The following LMLN variants were observed in gnomAD, a reference collection of about 807,000 sequenced individuals.
LMLN encodes leishmanolysin like peptidase, also known as leishmanolysin-like peptidase.
In LMLN, 70 loss-of-function variants were observed where a neutral mutation model predicts 92.3. The observed-to-expected ratio is 0.76, with a 90% CI of 0.63 to 0.92. The LOEUF is 0.92. LMLN is among the 40% of genes least tolerant of loss of function. LMLN has a pLI of 0.00. For synonymous variants in LMLN, 308 were observed against 296.2 expected, an observed-to-expected ratio of 1.04 and a Z score of -0.41; for missense variants, 691 against 814.6, an observed-to-expected ratio of 0.85 and a Z score of 1.85.
At chr3:198,035,863 T>A in exon 15 of LMLN, 1 of 1,614,138 alleles carries the variant, frequency 6.2e-7, no homozygotes, top group Non-Finnish European at 8.5e-7. Context: ...TCTGAAAGTT[T>A]GGGTCCAAGA....
At chr3:198,010,296 G>A (rs1358938477) in intron 11 of LMLN, among the ~76,000 whole-genome samples, 1 of 152,042 alleles carries the variant, frequency 6.6e-6, no homozygotes, top group Non-Finnish European at 1.5e-5. Context: ...TGGGACTACA[G>A]GTGCACACCA....
chr3:198,043,164 G>T (rs753693524), exon 16 of LMLN: 4 of 152,194 alleles, frequency 2.6e-5, no homozygotes, highest in Non-Finnish European at 5.9e-5. Context: ...TACTGACTGA[G>T]GCCATCTGTG....
intron 11 of LMLN, among the ~76,000 whole-genome samples, chr3:198,008,743 A>G (rs1223712190): frequency 6.6e-6 from 1 of 152,222 alleles, no homozygotes; most frequent in African/African-American, 2.4e-5. Context: ...AATACTCTGA[A>G]GAATAAATCC....
At chr3:198,020,478 T>C (rs1403114190) in intron 12 of LMLN, among the ~76,000 whole-genome samples, 1 of 152,234 alleles carries the variant, frequency 6.6e-6, no homozygotes, top group Non-Finnish European at 1.5e-5. Flanking sequence ...TACCATAAAA[T>C]AGTAACTATA....
chr3:198,024,166 T>C (rs1722855207), intron 13 of LMLN, among the ~76,000 whole-genome samples: 1 of 152,156 alleles, frequency 6.6e-6, no homozygotes, highest in Non-Finnish European at 1.5e-5. Context: ...CTCCCATTAA[T>C]TCCTTTATTA....
intron 11 of LMLN, among the ~76,000 whole-genome samples, chr3:198,009,142 A>G (rs1722368467): frequency 1.3e-5 from 2 of 152,308 alleles, no homozygotes; most frequent in East Asian, 3.9e-4. Flanking sequence ...AGAGTCTGCT[A>G]TATCCAGTTT....
intron 1 of LMLN, among the ~76,000 whole-genome samples, chr3:197,971,067 T>C (rs919127669): frequency 6.6e-6 from 1 of 152,224 alleles, no homozygotes; most frequent in African/African-American, 2.4e-5. Flanking sequence ...TTTTAGCCCT[T>C]TCCTGTTTAT....
intron 11 of LMLN, among the ~76,000 whole-genome samples, chr3:198,017,972 A>C (rs112321810): frequency 6.6e-6 from 1 of 152,152 alleles, no homozygotes; most frequent in Admixed American, 6.5e-5. Context: ...AGTGACATAC[A>C]TGATTAGTGG....
At chr3:197,988,660 A>G (rs1721781513) in intron 8 of LMLN, among the ~76,000 whole-genome samples, 3 of 150,218 alleles carry the variant, frequency 2.0e-5, no homozygotes, top group Non-Finnish European at 3.0e-5. Flanking sequence ...ATGCTCATCT[A>G]GTTTTTTATT....
intron 13 of LMLN, among the ~76,000 whole-genome samples, chr3:198,023,784 A>G (rs1722845380): frequency 6.6e-6 from 1 of 152,192 alleles, no homozygotes; most frequent in Non-Finnish European, 1.5e-5. Context: ...GTTTGTGCAT[A>G]CTGTGAGATT....
chr3:198,043,694 C>T (rs758000835), exon 16 of LMLN: 18 of 152,330 alleles, frequency 1.2e-4, no homozygotes, highest in Non-Finnish European at 2.4e-4. Context: ...CTTAGAAAAA[C>T]ACAACTTTAA....
chr3:197,963,288 T>G (rs1720959302), intron 1 of LMLN, among the ~76,000 whole-genome samples: 1 of 151,846 alleles, frequency 6.6e-6, no homozygotes, highest in Non-Finnish European at 1.5e-5. Context: ...ACAGCAGGCT[T>G]GAACTCCTGG....
intron 14 of LMLN, among the ~76,000 whole-genome samples, chr3:198,034,579 C>T (rs1312864643): frequency 6.6e-6 from 1 of 151,952 alleles, no homozygotes; most frequent in Non-Finnish European, 1.5e-5. Context: ...CCACTGCACT[C>T]CAGCCTGGGC....
At chr3:198,043,712 G>A (rs1263031045) in exon 16 of LMLN, 2 of 152,206 alleles carry the variant, frequency 1.3e-5, no homozygotes, top group African/African-American at 2.4e-5. Context: ...TAATAAAAAT[G>A]GAAACTAATT....
rs564865785 is a variant in LMLN, at chr3:198,024,993, A to G, written c.1656+205A>G. On this transcript the variant is annotated intron_variant, in intron 14 of 15. Transcript: ENST00000330198. Reference sequence around the variant, plus strand: ...TAGAAAAAGTGCCTCTTAAAAATATATATGTAATTACTGTAATGTTACTTC... The same window carrying G: ...TAGAAAAAGTGCCTCTTAAAAATATGTATGTAATTACTGTAATGTTACTTC... 2.0e-5 allele frequency among the ~76,000 whole-genome samples: 3 copies of G among 152,348 alleles called. No homozygotes were observed. The South Asian group carries it at 6.2e-4, about 32-fold the overall frequency.
intron 14 of LMLN, among the ~76,000 whole-genome samples, chr3:198,030,213 C>T (rs1050999790): frequency 3.3e-5 from 5 of 152,188 alleles, no homozygotes; most frequent in South Asian, 2.1e-4. Flanking sequence ...TAGCTGTTGA[C>T]TTTGGAAAAT....
At chr3:197,984,353 G>A (rs1721639130) in intron 7 of LMLN, among the ~76,000 whole-genome samples, 1 of 151,996 alleles carries the variant, frequency 6.6e-6, no homozygotes, top group African/African-American at 2.4e-5. Flanking sequence ...GGTGGTAGAG[G>A]CCGACTTTGT....
In LMLN at chr3:197,976,507, T is replaced by C. The variant is rs578226361; in HGVS notation, c.432-91T>C. On this transcript the variant is annotated intron_variant, in intron 4 of 15. Coordinates refer to ENST00000330198, the Ensembl canonical transcript of LMLN. ...AATAGTAACATTATTAATGAAGTAA[T>C]ATAGCAGCTACCAGTTGGTTTCCAT... 9.0e-5 allele frequency: 57 copies of C among 635,260 alleles called. No individual in the cohort carries two copies. In the South Asian group the frequency reaches 1.2e-3, roughly 14 times the overall value. The allele number at this position is 635,260 out of a possible 1,614,324, so 39.4% of individuals were successfully genotyped here.
chr3:198,034,703 G>T (rs573958282), intron 14 of LMLN, among the ~76,000 whole-genome samples: 1 of 152,270 alleles, frequency 6.6e-6, no homozygotes, highest in Non-Finnish European at 1.5e-5. Flanking sequence ...TTTAAAAACT[G>T]ATTTCATTAG....
Sources: gnomAD v4.1 joint callset for allele counts (sites outside exome capture counted in the v4.1 genomes callset) on GRCh38, gnomAD v4.1.1 for gene constraint, MANE v1.5 for transcripts, NCBI Gene and HGNC (gene_info 2026-07-23, HGNC 2026-07-21) for gene names.